Variants in ANKH observed in about 807,000 individuals in gnomAD.
ANKH encodes the protein mineralization regulator ANKH.
A neutral mutation model predicts 49.0 loss-of-function variants in ANKH; 15 were observed. The observed-to-expected ratio is 0.31, with a 90% CI of 0.20 to 0.47. ANKH has a LOEUF of 0.47. Among genes scored for constraint, ANKH ranks in the 20% least tolerant of loss-of-function variants. The probability of loss-of-function intolerance (pLI) is 1.00; values close to 1 mark genes in which losing one functional copy is unlikely to be tolerated. For missense variants in ANKH, 429 were observed against 652.0 expected, an observed-to-expected ratio of 0.66 and a Z score of 3.72; for synonymous variants, 273 against 260.0, an observed-to-expected ratio of 1.05 and a Z score of -0.48.
At chr5:14,862,789 G>T (rs1401433051) in intron 1 of ANKH, among the ~76,000 whole-genome samples, 1 of 152,192 alleles carries the variant, frequency 6.6e-6, no homozygotes, top group East Asian at 1.9e-4. Flanking sequence ...GAGGGCAGGG[G>T]CTGGCTCGAA....
At chr5:14,865,042 C>T (rs1055187718) in intron 1 of ANKH, among the ~76,000 whole-genome samples, 8 of 152,184 alleles carry the variant, frequency 5.3e-5, no homozygotes, top group Admixed American at 2.0e-4. Context: ...AGGGGGACGA[C>T]CTGAGGTCAG....
At chr5:14,860,614 G>A (rs2921600) in intron 1 of ANKH, among the ~76,000 whole-genome samples, 105,159 of 151,944 alleles carry the variant, frequency 0.69, 36,879 homozygotes, top group Middle Eastern at 0.83. Context: ...GGTGGTTCAC[G>A]GATAAAAAAG....
chr5:14,747,821 C>T (rs960694378), intron 6 of ANKH, among the ~76,000 whole-genome samples: 6 of 152,150 alleles, frequency 3.9e-5, no homozygotes, highest in South Asian at 2.1e-4. Flanking sequence ...GCATTGGGAT[C>T]GGGCGGACCT....
In ANKH at chr5:14,791,946, G is replaced by C. The variant is rs555820607; in HGVS notation, c.97-22755C>G. Among the ~76,000 whole-genome samples the C allele has an allele frequency of 2.0e-5, 3 of 152,338 alleles. No individual in the cohort carries two copies. In the South Asian group the frequency reaches 6.2e-4, roughly 32 times the overall value. ...TGGACCACACACAAGAGGTTTAAAAGCTGGTCCCTGCCTTCAAGGAAGTCA... is the reference window on the plus strand; with the variant it reads ...TGGACCACACACAAGAGGTTTAAAACCTGGTCCCTGCCTTCAAGGAAGTCA... On this transcript the variant is annotated intron_variant, in intron 1 of 11. Transcript: ENST00000284268.
rs540740873 is a variant in ANKH, at chr5:14,784,057, G to A, written c.97-14866C>T. ...GGTAGAGGCTGCAGCATCAGAAGGC[G>A]TATTTGTTGGTGGAGTACATGAATT... is the stretch of plus-strand genomic sequence containing the variant. On this transcript the variant is annotated intron_variant, in intron 1 of 11. Coordinates refer to ENST00000284268, the MANE Select transcript of ANKH (RefSeq NM_054027.6). Among the ~76,000 whole-genome samples the A allele has an allele frequency of 1.8e-4, 28 of 152,344 alleles. No individual in the cohort carries two copies. The South Asian group carries it at 2.9e-3, about 16-fold the overall frequency.
chr5:14,716,321 C>T (rs769459422), intron 9 of ANKH, among the ~76,000 whole-genome samples: 2 of 152,098 alleles, frequency 1.3e-5, no homozygotes, highest in African/African-American at 4.8e-5. Flanking sequence ...GGTGAAACCC[C>T]GTCTCTACTA....
intron 1 of ANKH, among the ~76,000 whole-genome samples, chr5:14,800,098 T>G (rs1177473357): frequency 2.0e-5 from 3 of 152,064 alleles, no homozygotes; most frequent in Non-Finnish European, 2.9e-5. Context: ...AAGACCTTAG[T>G]GGGGAAGGTA....
At position 14,758,460 on chromosome 5, in the gene ANKH, C is replaced by T. The variant is rs1320629994; in HGVS notation, c.432+20G>A. Reference sequence around the variant, plus strand: ...CCAGTTAAAGAAAAAGAAAGAAAGCCAACGATCTTCTCTACTCACCATTGC... The same window carrying T: ...CCAGTTAAAGAAAAAGAAAGAAAGCTAACGATCTTCTCTACTCACCATTGC... On this transcript the variant is annotated intron_variant, in intron 3 of 11. Coordinates refer to ENST00000284268, the MANE Select transcript of ANKH (RefSeq NM_054027.6). The T allele has an allele frequency of 6.3e-7, 1 of 1,582,632 alleles. No individual in the cohort carries two copies. Among genetic ancestry groups the T allele is most frequent in the South Asian group, 1.1e-5 (1 of 90,354 alleles).
At chr5:14,811,989 T>C (rs1740896876) in intron 1 of ANKH, among the ~76,000 whole-genome samples, 1 of 152,144 alleles carries the variant, frequency 6.6e-6, no homozygotes, top group Admixed American at 6.5e-5. Flanking sequence ...AAATAATCTA[T>C]CGTCCTACTT....
intron 7 of ANKH, among the ~76,000 whole-genome samples, chr5:14,742,366 G>C (rs902140558): frequency 6.6e-6 from 1 of 152,140 alleles, no homozygotes; most frequent in Admixed American, 6.5e-5. Context: ...AATTCCACTG[G>C]GCATTCAAGG....
At chr5:14,771,937 A>AAAAAAAAAAAAAAAAC (rs1561048114) in intron 1 of ANKH, among the ~76,000 whole-genome samples, 4 of 140,386 alleles carry the variant, frequency 2.8e-5, no homozygotes, top group African/African-American at 8.1e-5. Context: ...AAAAAAAAAA[A>AAAAAAAAAAAAAAAAC]AAAAAAAAAA....
intron 1 of ANKH, among the ~76,000 whole-genome samples, chr5:14,812,800 C>T (rs1237603413): frequency 6.6e-6 from 1 of 152,188 alleles, no homozygotes; most frequent in Non-Finnish European, 1.5e-5. Flanking sequence ...TTTTCTTTAA[C>T]ACAGGAAACG....
chr5:14,803,179 A>T (rs1386161909), intron 1 of ANKH, among the ~76,000 whole-genome samples: 1 of 152,206 alleles, frequency 6.6e-6, no homozygotes, highest in East Asian at 1.9e-4. Flanking sequence ...GGTGGTGGAA[A>T]AGTTTGAAAG....
chr5:14,724,710 G>T (rs2126433887), intron 8 of ANKH: 1 of 342,600 alleles, frequency 2.9e-6, no homozygotes, highest in East Asian at 1.7e-4. Context: ...CAAAGCATTT[G>T]GAACCGGGAT....
intron 1 of ANKH, among the ~76,000 whole-genome samples, chr5:14,846,370 T>C (rs1166636924): frequency 1.3e-5 from 2 of 152,174 alleles, no homozygotes; most frequent in Admixed American, 6.5e-5. Context: ...TATAGAGCAG[T>C]GGGAAAACAG....
chr5:14,822,169 A>AT (rs1161428147), intron 1 of ANKH, among the ~76,000 whole-genome samples: 1 of 152,242 alleles, frequency 6.6e-6, no homozygotes, highest in Non-Finnish European at 1.5e-5. Flanking sequence ...CTGAACTGTG[A>AT]TGTGCTGTAT....
At chr5:14,758,640 G>A in intron 2 of ANKH, 42 bp from the exon 3 acceptor site, 1 of 1,314,182 alleles carries the variant, frequency 7.6e-7, no homozygotes, top group Non-Finnish European at 1.1e-6. Flanking sequence ...ATTTAGAAAA[G>A]GATATCTTTA....
intron 11 of ANKH, 137 bp downstream of exon 11, chr5:14,712,736 TA>T: frequency 1.2e-6 from 1 of 866,062 alleles, no homozygotes; most frequent in Non-Finnish European, 1.9e-6. Context: ...CCAGCCACCC[TA>T]AGCCACGAGA....
At chr5:14,797,797 T>C (rs1024777776) in intron 1 of ANKH, 1 of 1,611,236 alleles carries the variant, frequency 6.2e-7, no homozygotes, top group Non-Finnish European at 8.5e-7. Flanking sequence ...CACAGGCAGA[T>C]GGTGTGGTCA....
Sources: gnomAD v4.1 joint callset for allele counts (sites outside exome capture counted in the v4.1 genomes callset) on GRCh38, gnomAD v4.1.1 for gene constraint, MANE v1.5 for transcripts, NCBI Gene and HGNC (gene_info 2026-07-23, HGNC 2026-07-21) for gene names.